ANTXR2: variants seen among roughly 807,000 people sequenced by gnomAD.
ANTXR2 encodes ANTXR cell adhesion molecule 2, also known as anthrax toxin receptor 2.
A neutral mutation model predicts 73.7 loss-of-function variants in ANTXR2; 44 were observed. That is an observed-to-expected ratio of 0.60 (90% CI 0.47 to 0.77). The LOEUF is 0.77. Ranked by LOEUF, ANTXR2 falls within the 30% of genes least tolerant of loss-of-function variation. The pLI is 0.00. For synonymous variants in ANTXR2, 217 were observed against 205.9 expected (o/e 1.05, Z -0.46); for missense variants, 604 against 592.5 (o/e 1.02, Z -0.20).
chr4:80,016,826 AC>A (rs1226192077), intron 11 of ANTXR2, among the ~76,000 whole-genome samples: 1 of 152,180 alleles, frequency 6.6e-6, no homozygotes, highest in Non-Finnish European at 1.5e-5. Context: ...CTCACATCCC[AC>A]ACCTAATCTG....
At chr4:80,025,881 G>A (rs1732412071) in intron 10 of ANTXR2, among the ~76,000 whole-genome samples, 1 of 152,044 alleles carries the variant, frequency 6.6e-6, no homozygotes, top group South Asian at 2.1e-4. Flanking sequence ...CATTTCAGAA[G>A]GAAAAAGAGC....
At chr4:79,934,306 A>G (rs181625655) in intron 16 of ANTXR2, among the ~76,000 whole-genome samples, 6 of 152,216 alleles carry the variant, frequency 3.9e-5, no homozygotes, top group Admixed American at 2.0e-4. Context: ...ATGTGGGCAA[A>G]TCACTTGAGG....
intron 7 of ANTXR2, among the ~76,000 whole-genome samples, chr4:80,044,586 G>A (rs1733429968): frequency 6.6e-6 from 1 of 151,896 alleles, no homozygotes; most frequent in Non-Finnish European, 1.5e-5. Context: ...TTGAATTTGA[G>A]AGAAACATCT....
At chr4:79,945,144 C>T (rs1258221616) in intron 16 of ANTXR2, among the ~76,000 whole-genome samples, 1 of 151,908 alleles carries the variant, frequency 6.6e-6, no homozygotes, top group Non-Finnish European at 1.5e-5. Flanking sequence ...AAAAATTGTT[C>T]ACTGAAGGCA....
intron 7 of ANTXR2, among the ~76,000 whole-genome samples, chr4:80,048,365 T>C (rs1354012101): frequency 6.6e-6 from 1 of 151,432 alleles, no homozygotes. Context: ...CTCATCTACA[T>C]TCAGCGCTAA....
rs1432464216 is a variant in ANTXR2, at chr4:79,967,358, G to A, written c.1428+10263C>T. ...GGCTGGGGGAGGGGCGCCCGCCATT[G>A]CCCAGGCTTGCTTAGGTAAACAAAG... On this transcript the variant is annotated intron_variant, in intron 16 of 16. Transcript: ENST00000403729. 6.0e-4 allele frequency among the ~76,000 whole-genome samples: 21 copies of A among 34,870 alleles called. 5 individuals carry two copies. Among genetic ancestry groups the A allele is most frequent in the Non-Finnish European group, 1.2e-3 (21 of 17,598 alleles). 22.9% of individuals were successfully genotyped at this position (34,870 alleles called of 152,430 possible).
intron 16 of ANTXR2, among the ~76,000 whole-genome samples, chr4:79,952,600 A>G (rs1356655152): frequency 6.6e-6 from 1 of 152,108 alleles, no homozygotes; most frequent in African/African-American, 2.4e-5. Flanking sequence ...TTTAATATTC[A>G]TCTGTAATCT....
At chr4:80,050,140 T>C (rs961684848) in intron 7 of ANTXR2, among the ~76,000 whole-genome samples, 4 of 151,736 alleles carry the variant, frequency 2.6e-5, no homozygotes, top group African/African-American at 9.7e-5. Flanking sequence ...GTACTATAAG[T>C]CCCACCACAG....
intron 15 of ANTXR2, 85 bp from the exon 16 acceptor site, chr4:79,977,786 G>A: frequency 7.3e-7 from 1 of 1,371,654 alleles, no homozygotes; most frequent in Non-Finnish European, 9.9e-7. Flanking sequence ...AACGAAGAAA[G>A]TAAAATCTTC....
At chr4:80,007,359 T>C (rs1731352847) in intron 12 of ANTXR2, among the ~76,000 whole-genome samples, 1 of 152,114 alleles carries the variant, frequency 6.6e-6, no homozygotes, top group Non-Finnish European at 1.5e-5. Flanking sequence ...TCAAAATAAA[T>C]AGTAGGCATG....
At chr4:79,990,674 A>C (rs1226976170) in intron 12 of ANTXR2, among the ~76,000 whole-genome samples, 4 of 152,258 alleles carry the variant, frequency 2.6e-5, no homozygotes, top group South Asian at 2.1e-4. Flanking sequence ...TGAATAGCCA[A>C]AGCTATCCTA....
At chr4:79,909,334 C>T (rs536689709) in intron 16 of ANTXR2, among the ~76,000 whole-genome samples, 2 of 152,238 alleles carry the variant, frequency 1.3e-5, no homozygotes, top group Admixed American at 6.5e-5. Flanking sequence ...TCTGTGACCA[C>T]TTCCGTTCTA....
At chr4:80,066,283 G>A (rs1486201870) in intron 3 of ANTXR2, among the ~76,000 whole-genome samples, 1 of 152,042 alleles carries the variant, frequency 6.6e-6, no homozygotes, top group Non-Finnish European at 1.5e-5. Context: ...GCACCTTATG[G>A]ACATAAAACT....
Position 79,974,476 on chromosome 4 carries a change from T to G in ANTXR2, c.1428+3145A>C, listed in dbSNP as rs535061254. Reference sequence around the variant, plus strand: ...TTTAGTTAACCTCACATAATAAAAGTCAATTATATTTTATCTATATCTCTG... The same window carrying G: ...TTTAGTTAACCTCACATAATAAAAGGCAATTATATTTTATCTATATCTCTG... On this transcript the variant is annotated intron_variant, in intron 16 of 16. Coordinates refer to ENST00000403729, the MANE Select transcript of ANTXR2 (RefSeq NM_058172.6). Among the ~76,000 whole-genome samples, 4 of 152,144 alleles carry G rather than the reference T, an allele frequency of 2.6e-5. No individual in the cohort carries two copies. In the South Asian group the frequency reaches 8.3e-4, roughly 31 times the overall value.
At chr4:79,933,619 T>C (rs1728141106) in intron 16 of ANTXR2, among the ~76,000 whole-genome samples, 1 of 152,082 alleles carries the variant, frequency 6.6e-6, no homozygotes, top group Admixed American at 6.5e-5. Flanking sequence ...GTTACATATG[T>C]ATACATGTGC....
At chr4:80,012,535 A>G (rs964542138) in intron 11 of ANTXR2, among the ~76,000 whole-genome samples, 1 of 152,180 alleles carries the variant, frequency 6.6e-6, no homozygotes, top group Non-Finnish European at 1.5e-5. Context: ...AGCCTTAAGT[A>G]TGTATTTACT....
chr4:80,050,628 G>A (rs1477513708), intron 7 of ANTXR2, among the ~76,000 whole-genome samples: 1 of 151,632 alleles, frequency 6.6e-6, no homozygotes, highest in East Asian at 2.0e-4. Context: ...TTAAAACTCA[G>A]AGAAATTACA....
At position 80,033,556 on chromosome 4, in the gene ANTXR2, C is replaced by A. The variant is rs768405615; in HGVS notation, c.712G>T (p.Val238Phe). 2 of 1,588,248 alleles carry A rather than the reference C, an allele frequency of 1.3e-6. No homozygotes were observed. The highest frequency in any genetic ancestry group is 1.4e-5 in the African/African-American group (1 of 73,106). ...SVCVGEEFQI[V>F]LSGRGFMLGS... ...AGCATGAATCCTCTTCCACTTAAGA[C>A]AATCTGAAATTCCTCTAGAAGTAAA... Residue 238 changes from valine to phenylalanine, a missense_variant, in exon 9 of 17, where the codon GTC (valine) becomes TTC (phenylalanine). Val to Phe is a conservative substitution (Grantham distance 50, BLOSUM62 -1). Transcript: ENST00000403729.
chr4:80,059,818 A>G (rs1043287616), intron 3 of ANTXR2, among the ~76,000 whole-genome samples: 1 of 152,098 alleles, frequency 6.6e-6, no homozygotes, highest in Non-Finnish European at 1.5e-5. Context: ...GCACTGTGCC[A>G]TATCAGTAGC....
Sources: gnomAD v4.1 joint callset for allele counts (sites outside exome capture counted in the v4.1 genomes callset) on GRCh38, gnomAD v4.1.1 for gene constraint, MANE v1.5 for transcripts, NCBI Gene and HGNC (gene_info 2026-07-23, HGNC 2026-07-21) for gene names.